CSMD3: variants seen among roughly 807,000 people sequenced by gnomAD.
The protein encoded by CSMD3 is CUB and sushi domain-containing protein 3.
Under a neutral mutation model 435.2 loss-of-function variants are expected in CSMD3, and 177 were observed. The ratio of observed to expected loss-of-function variants is 0.41; its 90% CI spans 0.36 to 0.46. CSMD3 has a LOEUF of 0.46. Ranked by LOEUF, CSMD3 falls within the 20% of genes least tolerant of loss-of-function variation. The pLI is 0.34. For missense variants in CSMD3, 4,265 were observed against 4,504.6 expected, an observed-to-expected ratio of 0.95 and a Z score of 1.52; for synonymous variants, 1,656 against 1,520.5, an observed-to-expected ratio of 1.09 and a Z score of -2.07.
intron 13 of CSMD3, among the ~76,000 whole-genome samples, chr8:112,777,747 G>C (rs1386339600): frequency 6.6e-6 from 1 of 151,750 alleles, no homozygotes; most frequent in East Asian, 1.9e-4. Context: ...GTCAGTTTGA[G>C]TCAAAGTTTG....
At chr8:112,801,754 G>C (rs1202804505) in intron 12 of CSMD3, among the ~76,000 whole-genome samples, 1 of 151,924 alleles carries the variant, frequency 6.6e-6, no homozygotes, top group Non-Finnish European at 1.5e-5. Flanking sequence ...AAACACTCCA[G>C]CTTGGAGGCA....
chr8:112,351,138 A>C (rs757848028), intron 40 of CSMD3, 37 bp downstream of exon 40: 1 of 1,237,690 alleles, frequency 8.1e-7, no homozygotes, highest in South Asian at 1.2e-5. Flanking sequence ...TTACACTTTA[A>C]GTTCTAGGGT....
intron 4 of CSMD3, among the ~76,000 whole-genome samples, chr8:113,108,662 G>A (rs1308893340): frequency 1.3e-5 from 2 of 151,842 alleles, no homozygotes; most frequent in Non-Finnish European, 2.9e-5. Context: ...TAAATAGAAG[G>A]AAATATACAA....
chr8:112,277,859 C>G (rs554159394), intron 59 of CSMD3, among the ~76,000 whole-genome samples: 2 of 152,122 alleles, frequency 1.3e-5, no homozygotes, highest in Non-Finnish European at 2.9e-5. Flanking sequence ...AGCACTACCA[C>G]GAGAACAGTA....
chr8:112,496,429 C>T (rs1015746928), intron 30 of CSMD3, among the ~76,000 whole-genome samples: 12 of 152,050 alleles, frequency 7.9e-5, no homozygotes, highest in Admixed American at 2.6e-4. Flanking sequence ...ATAGAACTAC[C>T]ATATGATCCA....
chr8:113,303,208 T>C (rs1161036337), intron 2 of CSMD3, among the ~76,000 whole-genome samples: 1 of 141,658 alleles, frequency 7.1e-6, no homozygotes, highest in African/African-American at 2.7e-5. Flanking sequence ...TTACAAGGGA[T>C]GTGAAGGACC....
At chr8:112,880,914 C>A (rs1386512885) in intron 10 of CSMD3, among the ~76,000 whole-genome samples, 1 of 151,886 alleles carries the variant, frequency 6.6e-6, no homozygotes, top group Non-Finnish European at 1.5e-5. Context: ...CTATAAAATC[C>A]TTAAAAATGT....
At chr8:113,287,194 A>C (rs1471135000) in intron 2 of CSMD3, among the ~76,000 whole-genome samples, 1 of 152,060 alleles carries the variant, frequency 6.6e-6, no homozygotes, top group Non-Finnish European at 1.5e-5. Flanking sequence ...GACCAGCATA[A>C]GCACAGTGAT....
chr8:112,694,530 A>C (rs2131844540), intron 13 of CSMD3, among the ~76,000 whole-genome samples: 1 of 152,204 alleles, frequency 6.6e-6, no homozygotes, highest in Admixed American at 6.5e-5. Context: ...TTGCTCCATT[A>C]ATACAACACT....
chr8:113,348,723 A>C (rs1588569860), intron 1 of CSMD3, among the ~76,000 whole-genome samples: 1 of 149,834 alleles, frequency 6.7e-6, no homozygotes, highest in African/African-American at 2.5e-5. Context: ...CACAGTTCTT[A>C]TTGTTGTTTT....
intron 1 of CSMD3, among the ~76,000 whole-genome samples, chr8:113,372,048 G>A (rs1192642493): frequency 6.6e-6 from 1 of 152,034 alleles, no homozygotes; most frequent in African/African-American, 2.4e-5. Flanking sequence ...ATTAAGTTGA[G>A]GTCAAGATTA....
At chr8:112,955,136 A>G (rs1049848064) in intron 7 of CSMD3, among the ~76,000 whole-genome samples, 5 of 151,742 alleles carry the variant, frequency 3.3e-5, no homozygotes, top group African/African-American at 1.2e-4. Context: ...GTATTAGAAT[A>G]GTGGGAAGGA....
rs113972313 is a variant in CSMD3 at position 112,975,949 on chromosome 8, C to A, written c.1230G>T (p.Thr410=). 1.2e-3 allele frequency: 1,939 copies of A among 1,614,030 alleles called. 14 individuals carry two copies. In the African/African-American group the frequency reaches 0.019, roughly 16 times the overall value. ...SLRNSGLDPN[T]SKDGLSPHPA... ...GATGAGGAGAGAGCCCGTCCTTGGA[C>A]GTGTTGGGGTCCAGACCTGAATTTC... The change falls in exon 7 of 71, where the codon ACG becomes ACT. Residue 410 remains threonine (T), a synonymous_variant. Coordinates refer to ENST00000297405, the MANE Select transcript of CSMD3 (RefSeq NM_198123.2).
At chr8:113,141,619 C>T (rs147008916) in intron 4 of CSMD3, among the ~76,000 whole-genome samples, 5 of 150,866 alleles carry the variant, frequency 3.3e-5, no homozygotes, top group African/African-American at 9.7e-5. Flanking sequence ...AAGGAAAACA[C>T]TTGACTAAAT....
intron 13 of CSMD3, among the ~76,000 whole-genome samples, chr8:112,763,399 T>G (rs2077892354): frequency 6.6e-6 from 1 of 151,122 alleles, no homozygotes. Flanking sequence ...GTTAGATAAA[T>G]GGATAGTAAA....
intron 2 of CSMD3, among the ~76,000 whole-genome samples, chr8:113,302,509 A>T (rs1437800533): frequency 6.6e-6 from 1 of 151,242 alleles, no homozygotes. Flanking sequence ...TTAATCTAAA[A>T]TGTCTTATCT....
chr8:113,088,009 A>C (rs1259780171), intron 5 of CSMD3, among the ~76,000 whole-genome samples: 1 of 149,570 alleles, frequency 6.7e-6, no homozygotes, highest in Non-Finnish European at 1.5e-5. Flanking sequence ...AAACAAATTT[A>C]CAAGAAAAAA....
intron 10 of CSMD3, among the ~76,000 whole-genome samples, chr8:112,875,413 G>A (rs927376812): frequency 2.6e-5 from 4 of 151,930 alleles, no homozygotes; most frequent in African/African-American, 9.7e-5. Flanking sequence ...TGCTCTTCTC[G>A]AGGAGTATCT....
chr8:112,513,847 G>A (rs903078706), intron 28 of CSMD3, among the ~76,000 whole-genome samples: 2 of 152,070 alleles, frequency 1.3e-5, no homozygotes, highest in Admixed American at 1.3e-4. Flanking sequence ...GGAGAGGGTA[G>A]GGGAGTAATT....
Sources: allele counts gnomAD v4.1 joint callset (sites outside exome capture counted in the v4.1 genomes callset), GRCh38; gene constraint gnomAD v4.1.1; transcripts MANE v1.5; gene names NCBI Gene and HGNC (gene_info 2026-07-23, HGNC 2026-07-21).